UGGT2: variants seen among roughly 807,000 people sequenced by gnomAD.
UGGT2 encodes the protein UDP-glucose glycoprotein glucosyltransferase 2, also known as UDP-glucose:glycoprotein glucosyltransferase 2.
UGGT2 carries 180 observed loss-of-function variants against 192.1 expected under a neutral mutation model. That is an observed-to-expected ratio of 0.94 (90% CI 0.83 to 1.06). The LOEUF (loss-of-function observed/expected upper bound fraction) is 1.06. UGGT2 is among the 50% of genes least tolerant of loss of function. The pLI is 0.00. For synonymous variants in UGGT2, 580 were observed against 591.0 expected (o/e 0.98, Z 0.27); for missense variants, 1,849 against 1,795.7 (o/e 1.03, Z -0.54).
At chr13:95,816,011 A>G (rs1259908494) in intron 38 of UGGT2, among the ~76,000 whole-genome samples, 3 of 152,100 alleles carry the variant, frequency 2.0e-5, no homozygotes, top group East Asian at 1.9e-4. Context: ...TGTTCCTCCA[A>G]TGTAAGACAC....
In UGGT2 at chr13:95,837,155, A is replaced by T; in HGVS notation, c.4332T>A (p.Pro1444=). 6.2e-7 allele frequency: 1 copy of T among 1,614,062 alleles called. No homozygotes were observed. Among genetic ancestry groups the T allele is most frequent in the Non-Finnish European group, 8.5e-7 (1 of 1,179,976 alleles). ...MIYQVAIKSL[P]QDWLWCETWC... is the part of the protein sequence containing the mutation. Reference sequence around the variant, plus strand: ...AGGTTTCACACCACAGCCAGTCTTGAGGAAGAGACTTAATGGCGACTTGGT... The same window carrying T: ...AGGTTTCACACCACAGCCAGTCTTGTGGAAGAGACTTAATGGCGACTTGGT... Residue 1444 remains proline, a synonymous_variant, in exon 37 of 39, where the codon CCT becomes CCA. Coordinates refer to ENST00000376747, the MANE Select transcript of UGGT2 (RefSeq NM_020121.4).
chr13:95,952,464 T>TG (rs2050095935), intron 12 of UGGT2, among the ~76,000 whole-genome samples: 1 of 152,222 alleles, frequency 6.6e-6, no homozygotes, highest in Admixed American at 6.5e-5. Flanking sequence ...CCATATACCT[T>TG]AAATCATCTC....
chr13:95,877,211 T>A (rs1324187001), intron 29 of UGGT2, 68 bp downstream of exon 29: 4 of 1,252,366 alleles, frequency 3.2e-6, no homozygotes, highest in Non-Finnish European at 4.4e-6. Context: ...TTGTTTTGAT[T>A]CTCTTGGTTG....
rs184445408 is a variant in UGGT2 at position 95,847,206 on chromosome 13, T to C, written c.4284+6337A>G. On this transcript the variant is annotated intron_variant, in intron 36 of 38. Coordinates refer to ENST00000376747, the MANE Select transcript of UGGT2 (RefSeq NM_020121.4). ...AAGAGGAAGGCACAGAGATTTCCCA[T>C]ATACTCACTGTTCCTACACATGCAT... Among the ~76,000 whole-genome samples the C allele has an allele frequency of 7.6e-4, 115 of 152,210 alleles. 3 individuals carry two copies. Among genetic ancestry groups the C allele is most frequent in the Admixed American group, 6.7e-3 (102 of 15,292 alleles).
At chr13:95,928,344 C>G (rs1169633125) in intron 17 of UGGT2, among the ~76,000 whole-genome samples, 1 of 151,684 alleles carries the variant, frequency 6.6e-6, no homozygotes, top group African/African-American at 2.4e-5. Context: ...GAGGGCTGCC[C>G]CCCACCTCCC....
At chr13:95,983,652 G>C in intron 10 of UGGT2, 152 bp downstream of exon 10, 1 of 677,082 alleles carries the variant, frequency 1.5e-6, no homozygotes, top group African/African-American at 1.8e-5. Context: ...TGCTCATATA[G>C]TCCACAGTAT....
chr13:95,928,246 G>T (rs1001443489), intron 17 of UGGT2, among the ~76,000 whole-genome samples: 2 of 151,480 alleles, frequency 1.3e-5, no homozygotes, highest in African/African-American at 4.9e-5. Context: ...GCAGCTGGCC[G>T]GGCAGGGGCT....
chr13:95,922,600 T>C (rs1343832042), intron 20 of UGGT2, among the ~76,000 whole-genome samples: 1 of 152,102 alleles, frequency 6.6e-6, no homozygotes, highest in Non-Finnish European at 1.5e-5. Flanking sequence ...GGCGAGTGGA[T>C]CACTTGAACT....
intron 10 of UGGT2, among the ~76,000 whole-genome samples, chr13:95,979,474 C>T (rs1300596117): frequency 4.2e-5 from 6 of 142,488 alleles, no homozygotes; most frequent in African/African-American, 1.5e-4. Context: ...AGTTTCTTCT[C>T]CATCCTCTAG....
At chr13:95,967,659 A>G (rs556965938) in intron 12 of UGGT2, among the ~76,000 whole-genome samples, 353 of 151,928 alleles carry the variant, frequency 2.3e-3, no homozygotes, top group African/African-American at 8.2e-3. Flanking sequence ...CATTTAGTAG[A>G]GACGGGGTTT....
intron 9 of UGGT2, 110 bp downstream of exon 9, chr13:95,986,223 T>C (rs1209974475): frequency 2.0e-5 from 15 of 732,678 alleles, no homozygotes; most frequent in Non-Finnish European, 2.9e-5. Context: ...AAAAGCTATA[T>C]ATACTAGAAC....
At chr13:96,031,101 C>T (rs2052819854) in intron 2 of UGGT2, among the ~76,000 whole-genome samples, 1 of 152,094 alleles carries the variant, frequency 6.6e-6, no homozygotes, top group African/African-American at 2.4e-5. Context: ...ATATGTACCA[C>T]ACTAGTGAGG....
At chr13:95,937,546 T>G (rs1185699277) in intron 16 of UGGT2, among the ~76,000 whole-genome samples, 3 of 152,178 alleles carry the variant, frequency 2.0e-5, no homozygotes, top group African/African-American at 7.2e-5. Context: ...CAATAAACAC[T>G]TATTCAATCC....
chr13:95,816,074 G>A (rs1156492432), intron 38 of UGGT2, among the ~76,000 whole-genome samples: 1 of 152,190 alleles, frequency 6.6e-6, no homozygotes, highest in Non-Finnish European at 1.5e-5. Context: ...GGCTTCCCCA[G>A]AAGCAGATGC....
chr13:95,943,630 T>C (rs374503513), intron 15 of UGGT2, among the ~76,000 whole-genome samples: 2 of 152,134 alleles, frequency 1.3e-5, no homozygotes, highest in South Asian at 2.1e-4. Flanking sequence ...GCAACTGATA[T>C]TAGTATACTG....
At chr13:95,924,378 A>T (rs2048945870) in intron 20 of UGGT2, among the ~76,000 whole-genome samples, 1 of 121,724 alleles carries the variant, frequency 8.2e-6, no homozygotes, top group Non-Finnish European at 1.8e-5. Context: ...AATAGATGTA[A>T]TAGATCCCAA....
In UGGT2 at chr13:95,939,938, A is replaced by G; in HGVS notation, c.1812+19T>C. On this transcript the variant is annotated intron_variant, in intron 16 of 38. Transcript: ENST00000376747. ...TTCTGTGCCTGGCCTACTCCACTTA[A>G]CATAATGTCCCAACTTACCTTTCTT... 6.3e-7 allele frequency: 1 copy of G among 1,581,396 alleles called. No individual in the cohort carries two copies. The highest frequency in any genetic ancestry group is 8.6e-7 in the Non-Finnish European group (1 of 1,161,530).
chr13:95,902,600 A>G (rs2048138791), intron 21 of UGGT2, among the ~76,000 whole-genome samples: 1 of 151,918 alleles, frequency 6.6e-6, no homozygotes, highest in South Asian at 2.1e-4. Context: ...TCACTTAAGT[A>G]CATATCCTAA....
Position 96,007,467 on chromosome 13 carries a change from GAAAT to G in UGGT2, c.660+5836_660+5839del, listed in dbSNP as rs1340958716. Among the ~76,000 whole-genome samples the G allele has an allele frequency of 5.3e-5, 8 of 152,112 alleles. No homozygotes were observed. The South Asian group carries it at 1.5e-3, about 28-fold the overall frequency. Reference sequence around the variant, plus strand: ...CCTTAGCCAGAGTAATAAGGCAAGAGAAATAAATAAAGGACATCCAAATTGGAAA... The same window carrying G: ...CCTTAGCCAGAGTAATAAGGCAAGAGAAATAAAGGACATCCAAATTGGAAA... On this transcript the variant is annotated intron_variant, in intron 5 of 38. Coordinates refer to ENST00000376747, the MANE Select transcript of UGGT2 (RefSeq NM_020121.4).
Sources: allele counts gnomAD v4.1 joint callset (sites outside exome capture counted in the v4.1 genomes callset), GRCh38; gene constraint gnomAD v4.1.1; transcripts MANE v1.5; gene names NCBI Gene and HGNC (gene_info 2026-07-23, HGNC 2026-07-21).